Variants in CNTN5 observed in about 807,000 individuals in gnomAD.
The protein encoded by CNTN5 is contactin 5.
Under a neutral mutation model 129.1 loss-of-function variants are expected in CNTN5, and 77 were observed. That is an observed-to-expected ratio of 0.60 (90% CI 0.50 to 0.72). The LOEUF (loss-of-function observed/expected upper bound fraction) is 0.72. CNTN5 is among the 30% of genes least tolerant of loss of function. The pLI, the probability that CNTN5 is intolerant of heterozygous loss-of-function variation, is 0.00. For synonymous variants in CNTN5, 509 were observed against 465.6 expected (o/e 1.09, Z -1.20); for missense variants, 1,478 against 1,328.8 (o/e 1.11, Z -1.75).
At chr11:99,351,925 A>G (rs144664701) in intron 2 of CNTN5, among the ~76,000 whole-genome samples, 1,565 of 152,308 alleles carry the variant, frequency 0.01, 26 homozygotes, top group African/African-American at 0.036. Context: ...AGAACGTACC[A>G]AAGGGTTATA....
chr11:99,852,179 C>G (rs1947894616), intron 6 of CNTN5, among the ~76,000 whole-genome samples: 2 of 151,996 alleles, frequency 1.3e-5, no homozygotes, highest in Admixed American at 1.3e-4. Flanking sequence ...GAAATCACAA[C>G]TCACAATAAA....
chr11:99,573,087 T>C (rs1414396323), intron 3 of CNTN5, among the ~76,000 whole-genome samples: 2 of 152,032 alleles, frequency 1.3e-5, no homozygotes, highest in East Asian at 3.8e-4. Context: ...ATTAATTTAG[T>C]AGAAAATTTA....
At chr11:99,658,712 A>G (rs1952475914) in intron 3 of CNTN5, among the ~76,000 whole-genome samples, 1 of 47,088 alleles carries the variant, frequency 2.1e-5, no homozygotes, top group Non-Finnish European at 6.8e-5. Flanking sequence ...TCTCTACTAA[A>G]AAAAAAATAT....
intron 21 of CNTN5, among the ~76,000 whole-genome samples, chr11:100,313,448 C>CAA (rs35425874): frequency 7.0e-5 from 9 of 127,790 alleles, no homozygotes; most frequent in African/African-American, 2.3e-4. Context: ...GTGCCATTTA[C>CAA]AAAAAAAAAA....
chr11:99,061,857 T>A (rs941390865), intron 1 of CNTN5, among the ~76,000 whole-genome samples: 1 of 151,830 alleles, frequency 6.6e-6, no homozygotes, highest in Admixed American at 6.6e-5. Context: ...GCGGGCATGG[T>A]GTCACACATC....
rs199758207 is a variant in CNTN5, at chr11:99,556,554, A to AATATATATATATAT, written c.55+312_55+325dup. ...CCATCTAGCTTTCAGAAGGCTTGGA[A>AATATATATATATAT]ATATATATATATATATATATATATA... On this transcript the variant is annotated intron_variant, in intron 3 of 24. Coordinates refer to ENST00000524871, the MANE Select transcript of CNTN5 (RefSeq NM_014361.4). Among the ~76,000 whole-genome samples, 242 of 72,276 alleles carry AATATATATATATAT rather than the reference A, an allele frequency of 3.3e-3. 4 individuals are homozygous for AATATATATATATAT. The highest frequency in any genetic ancestry group is 4.9e-3 in the Non-Finnish European group (170 of 34,514). 47.4% of individuals were successfully genotyped at this position (72,276 alleles called of 152,430 possible). A position where few individuals can be genotyped will look rare whatever the true frequency, so the allele number is the denominator to read the frequency against.
rs766507406 is a variant in CNTN5, at chr11:99,569,474, T to G, written c.55+13205T>G. ...GATTACAGGTGTGCACCACCATGCC[T>G]GGCTAATTTTTGTATATTTAGTAGA... On this transcript the variant is annotated intron_variant, in intron 3 of 24. Coordinates refer to ENST00000524871, the MANE Select transcript of CNTN5 (RefSeq NM_014361.4). Among the ~76,000 whole-genome samples the G allele has an allele frequency of 5.1e-4, 78 of 152,108 alleles. 1 individual carries two copies. The highest frequency in any genetic ancestry group is 3.4e-3 in the Middle Eastern group (1 of 294).
At chr11:99,765,434 G>T (rs186792037) in intron 3 of CNTN5, among the ~76,000 whole-genome samples, 1 of 151,508 alleles carries the variant, frequency 6.6e-6, no homozygotes, top group African/African-American at 2.4e-5. Flanking sequence ...TCTTTAGTAG[G>T]GATCATAAGA....
intron 21 of CNTN5, among the ~76,000 whole-genome samples, chr11:100,318,991 G>A (rs749534483): frequency 6.6e-6 from 1 of 151,940 alleles, no homozygotes; most frequent in African/African-American, 2.4e-5. Context: ...AGTAATAGCT[G>A]AATGAATTAC....
At chr11:99,415,199 A>G (rs910704681) in intron 2 of CNTN5, among the ~76,000 whole-genome samples, 5 of 152,210 alleles carry the variant, frequency 3.3e-5, no homozygotes, top group Non-Finnish European at 5.9e-5. Context: ...ATTTAATCAA[A>G]GTTTTACACA....
chr11:99,728,964 TA>T (rs1809184803), intron 3 of CNTN5, among the ~76,000 whole-genome samples: 1 of 152,258 alleles, frequency 6.6e-6, no homozygotes, highest in African/African-American at 2.4e-5. Context: ...TTAATGAGCA[TA>T]GGTTCTTGAG....
intron 3 of CNTN5, among the ~76,000 whole-genome samples, chr11:99,727,463 A>G (rs1943389680): frequency 6.6e-6 from 1 of 152,024 alleles, no homozygotes; most frequent in Non-Finnish European, 1.5e-5. Flanking sequence ...TCACAAACCC[A>G]AACCTTATCA....
intron 3 of CNTN5, among the ~76,000 whole-genome samples, chr11:99,706,363 A>G (rs625366): frequency 0.98 from 147,978 of 151,446 alleles, 72,386 homozygotes; most frequent in East Asian, 1. Context: ...TATTATATGT[A>G]TAACAGTCTT....
intron 3 of CNTN5, among the ~76,000 whole-genome samples, chr11:99,566,592 G>T (rs534727482): frequency 6.6e-6 from 1 of 152,112 alleles, no homozygotes; most frequent in Non-Finnish European, 1.5e-5. Flanking sequence ...GAAATGAGAT[G>T]GAAAGACACA....
At chr11:99,827,401 C>T (rs1946997960) in intron 4 of CNTN5, among the ~76,000 whole-genome samples, 1 of 152,112 alleles carries the variant, frequency 6.6e-6, no homozygotes, top group Admixed American at 6.6e-5. Flanking sequence ...TTCATTGGTT[C>T]TTTTTAAGTT....
In CNTN5 at chr11:99,626,387, T is replaced by C. The variant is rs559108165; in HGVS notation, c.55+70118T>C. Among the ~76,000 whole-genome samples the C allele has an allele frequency of 5.3e-5, 8 of 152,270 alleles. No individual in the cohort carries two copies. The South Asian group carries it at 1.7e-3, about 32-fold the overall frequency. ...ATAGAAGGACACTTTAAAGACTGTT[T>C]TAGTGGAAGTATTCAGAGTATTTAT... On this transcript the variant is annotated intron_variant, in intron 3 of 24. Transcript: ENST00000524871.
chr11:99,838,291 A>G (rs1947368703), intron 4 of CNTN5, among the ~76,000 whole-genome samples: 1 of 152,220 alleles, frequency 6.6e-6, no homozygotes, highest in East Asian at 1.9e-4. Context: ...CAGTTCTGAA[A>G]GCTTATGGCC....
chr11:99,344,213 T>C (rs1254044211), intron 2 of CNTN5, among the ~76,000 whole-genome samples: 3 of 152,228 alleles, frequency 2.0e-5, no homozygotes, highest in Non-Finnish European at 4.4e-5. Context: ...GATAGATCGA[T>C]AACTTGCTGA....
intron 4 of CNTN5, among the ~76,000 whole-genome samples, chr11:99,827,470 T>C (rs1947000418): frequency 6.6e-6 from 1 of 152,200 alleles, no homozygotes; most frequent in African/African-American, 2.4e-5. Flanking sequence ...ATAACAGCAA[T>C]AGCCTGAATC....
Sources: allele counts gnomAD v4.1 joint callset (sites outside exome capture counted in the v4.1 genomes callset), GRCh38; gene constraint gnomAD v4.1.1; transcripts MANE v1.5; gene names NCBI Gene and HGNC (gene_info 2026-07-23, HGNC 2026-07-21).